The following DDX46 variants were observed in gnomAD, a reference collection of about 807,000 sequenced individuals.
The protein encoded by DDX46 is probable ATP-dependent RNA helicase DDX46.
Under a neutral mutation model 134.9 loss-of-function variants are expected in DDX46, and 30 were observed. The ratio of observed to expected loss-of-function variants is 0.22; its 90% CI spans 0.17 to 0.30. The LOEUF (loss-of-function observed/expected upper bound fraction) is 0.30, where lower values mean the gene tolerates loss of function less well. DDX46 is among the 10% of genes least tolerant of loss of function. DDX46 has a pLI of 1.00. For synonymous variants in DDX46, 415 were observed against 404.1 expected (o/e 1.03, Z -0.32); for missense variants, 622 against 1,248.7 (o/e 0.50, Z 7.56).
At chr5:134,769,037 G>C (rs531204043) in intron 3 of DDX46, among the ~76,000 whole-genome samples, 1 of 152,086 alleles carries the variant, frequency 6.6e-6, no homozygotes, top group African/African-American at 2.4e-5. Context: ...CAGCCTGGCC[G>C]ACAGAGAGAG....
At chr5:134,774,333 C>G (rs1042520269) in intron 5 of DDX46, among the ~76,000 whole-genome samples, 2 of 151,740 alleles carry the variant, frequency 1.3e-5, no homozygotes, top group African/African-American at 4.8e-5. Flanking sequence ...TATATATATG[C>G]CAAGTTTTGT....
intron 22 of DDX46, among the ~76,000 whole-genome samples, chr5:134,828,099 G>A (rs759500406): frequency 1.8e-4 from 27 of 152,188 alleles, no homozygotes; most frequent in Non-Finnish European, 2.9e-4. Context: ...TCCCGAGGAG[G>A]TAGACATGTC....
At chr5:134,799,741 GAA>G (rs113261672) in intron 15 of DDX46, among the ~76,000 whole-genome samples, 3 of 106,294 alleles carry the variant, frequency 2.8e-5, no homozygotes, top group Admixed American at 2.0e-4. Flanking sequence ...TCCGTCTCAA[GAA>G]AAAAAAAAAA....
intron 1 of DDX46, among the ~76,000 whole-genome samples, chr5:134,761,615 A>C (rs1753389100): frequency 6.6e-6 from 1 of 152,162 alleles, no homozygotes; most frequent in East Asian, 1.9e-4. Context: ...CTAATATTTC[A>C]ACTATATACT....
intron 3 of DDX46, among the ~76,000 whole-genome samples, chr5:134,767,864 C>A (rs254700): frequency 6.6e-6 from 1 of 151,082 alleles, no homozygotes; most frequent in Non-Finnish European, 1.5e-5. Context: ...GCCGGAGAAT[C>A]GCTTGAACCC....
intron 6 of DDX46, chr5:134,777,961 A>G (rs1054478436): frequency 1.6e-5 from 6 of 381,054 alleles, no homozygotes; most frequent in African/African-American, 6.3e-5. Flanking sequence ...CTTTGCTTAC[A>G]TATTAACCTT....
intron 18 of DDX46, among the ~76,000 whole-genome samples, chr5:134,815,284 G>C (rs1355246096): frequency 2.0e-5 from 3 of 152,150 alleles, no homozygotes; most frequent in African/African-American, 7.2e-5. Flanking sequence ...CCCTAAATAA[G>C]CTTTTCTGTG....
chr5:134,785,059 C>T (rs549758907), intron 10 of DDX46, among the ~76,000 whole-genome samples: 18 of 152,150 alleles, frequency 1.2e-4, no homozygotes, highest in Admixed American at 5.9e-4. Context: ...CTTAGGAACA[C>T]GGGGCATAGT....
chr5:134,804,892 C>G (rs1404271845), intron 15 of DDX46: 1 of 368,220 alleles, frequency 2.7e-6, no homozygotes, highest in African/African-American at 2.1e-5. Context: ...CATGGAACCA[C>G]CATAGGCTCT....
intron 17 of DDX46, 157 bp downstream of exon 17, chr5:134,811,515 A>G (rs757750097): frequency 4.8e-5 from 57 of 1,193,630 alleles, no homozygotes; most frequent in Non-Finnish European, 6.0e-5. Flanking sequence ...CTAAAATCCT[A>G]TCTTATTCTT....
At chr5:134,771,616 G>T (rs1381246908) in intron 4 of DDX46, among the ~76,000 whole-genome samples, 3 of 151,344 alleles carry the variant, frequency 2.0e-5, no homozygotes, top group African/African-American at 7.3e-5. Context: ...CCAGGAGAAT[G>T]GTGTGAACCC....
chr5:134,817,984 T>G (rs536586549), intron 20 of DDX46, among the ~76,000 whole-genome samples: 1 of 151,572 alleles, frequency 6.6e-6, no homozygotes, highest in African/African-American at 2.4e-5. Context: ...ACTTTTGCTC[T>G]TATCGCCTAG....
intron 15 of DDX46, among the ~76,000 whole-genome samples, chr5:134,802,150 A>G (rs1754845977): frequency 7.1e-6 from 1 of 141,792 alleles, no homozygotes. Context: ...CAAATTGGAT[A>G]ATTTCTTTCT....
At position 134,781,144 on chromosome 5, in the gene DDX46, A is replaced by G. The variant is rs1399281779; in HGVS notation, c.777A>G (p.Pro259=). ...GGGGNEKKSG[P]TVTKVVTVVT... ...GTTCTTTATTTTAGAAGTCTGGGCC[A>G]ACGGTCACAAAAGTTGTCACTGTTG... The change falls in exon 7 of 23, where the codon CCA becomes CCG. Residue 259 remains proline (P), a synonymous_variant. Transcript: ENST00000452510. 1.3e-6 allele frequency: 2 copies of G among 1,579,968 alleles called. No individual in the cohort carries two copies. Among genetic ancestry groups the G allele is most frequent in the African/African-American group, 1.4e-5 (1 of 72,216 alleles).
intron 15 of DDX46, chr5:134,797,020 C>T: frequency 1.0e-5 from 2 of 199,274 alleles, no homozygotes; most frequent in Non-Finnish European, 1.0e-5. Flanking sequence ...CATGGTGGTG[C>T]ATGCCTGTAA....
At chr5:134,791,547 C>G (rs938642469) in intron 13 of DDX46, among the ~76,000 whole-genome samples, 5 of 148,202 alleles carry the variant, frequency 3.4e-5, no homozygotes, top group Non-Finnish European at 5.9e-5. Flanking sequence ...GGAGACAGAG[C>G]GAGACTCCGT....
intron 18 of DDX46, among the ~76,000 whole-genome samples, chr5:134,814,704 C>T (rs1755239046): frequency 6.6e-6 from 1 of 152,180 alleles, no homozygotes; most frequent in African/African-American, 2.4e-5. Flanking sequence ...GTAGCCTCGA[C>T]CTCCTGGGCT....
chr5:134,814,975 G>T (rs1233689616), intron 18 of DDX46, among the ~76,000 whole-genome samples: 2 of 152,212 alleles, frequency 1.3e-5, no homozygotes, highest in African/African-American at 4.8e-5. Context: ...GCTGGGTGTG[G>T]TGGCTCATGG....
chr5:134,797,440 A>C (rs1220847722), intron 15 of DDX46, among the ~76,000 whole-genome samples: 1 of 152,146 alleles, frequency 6.6e-6, no homozygotes, highest in Non-Finnish European at 1.5e-5. Flanking sequence ...TGGCTGGCAA[A>C]TTGGTACTGG....
Sources: allele counts gnomAD v4.1 joint callset (sites outside exome capture counted in the v4.1 genomes callset), GRCh38; gene constraint gnomAD v4.1.1; transcripts MANE v1.5; gene names NCBI Gene and HGNC (gene_info 2026-07-23, HGNC 2026-07-21).